Variants in NUDT1 observed in about 807,000 individuals in gnomAD.
NUDT1 encodes oxidized purine nucleoside triphosphate hydrolase.
In NUDT1, 16 loss-of-function variants were observed where a neutral mutation model predicts 11.3. The observed-to-expected ratio is 1.41, with a 90% confidence interval of 0.96 to 2.15. The LOEUF (loss-of-function observed/expected upper bound fraction) is 2.15, where lower values mean the gene tolerates loss of function less well. Ranked by LOEUF, NUDT1 falls within the 30% of genes most tolerant of loss-of-function variation. NUDT1 has a pLI of 0.00. For synonymous variants in NUDT1, 101 were observed against 84.4 expected, an observed-to-expected ratio of 1.20 and a Z score of -1.08; for missense variants, 234 against 208.4, an observed-to-expected ratio of 1.12 and a Z score of -0.76.
At chr7:2,249,588 C>T (rs1056788780) in intron 2 of NUDT1, 38 of 516,312 alleles carry the variant, frequency 7.4e-5, no homozygotes, top group Non-Finnish European at 1.2e-4. Context: ...GCTAGAACTG[C>T]GTTCCTCCCA....
intron 2 of NUDT1, among the ~76,000 whole-genome samples, chr7:2,245,748 G>A (rs2115056286): frequency 6.6e-6 from 1 of 152,068 alleles, no homozygotes; most frequent in Admixed American, 6.6e-5. Context: ...TTGTAGAGAT[G>A]GTGTCTCATT....
chr7:2,244,513 C>T (rs763457129), intron 1 of NUDT1, 50 bp from the exon 2 acceptor site: 5 of 1,478,932 alleles, frequency 3.4e-6, no homozygotes, highest in South Asian at 2.9e-5. Context: ...CTGGCACGTG[C>T]TTCCTCCACG....
intron 2 of NUDT1, among the ~76,000 whole-genome samples, chr7:2,246,814 A>G (rs1794784359): frequency 6.6e-6 from 1 of 151,998 alleles, no homozygotes; most frequent in South Asian, 2.1e-4. Flanking sequence ...CGGGGGTTTC[A>G]CCATGTTGGC....
chr7:2,250,008 T>TCTCACAGGGCCTGCTCCCCCTCCC lies in NUDT1; in HGVS notation c.298+8_298+31dup, dbSNP rs1794922309. The stretch of plus-strand genomic sequence containing the variant: ...GACCCCCGTGGAGAGCGACGGTGAG[T>TCTCACAGGGCCTGCTCCCCCTCCC]CTCACAGGGCCTGCTCCCCCTCCCC... On this transcript the variant is annotated splice_region_variant and intron_variant, in intron 3 of 3. Coordinates refer to ENST00000356714, the MANE Select transcript of NUDT1 (RefSeq NM_002452.4). 6.2e-7 allele frequency: 1 copy of TCTCACAGGGCCTGCTCCCCCTCCC among 1,613,418 alleles called. No homozygotes were observed. Among genetic ancestry groups the TCTCACAGGGCCTGCTCCCCCTCCC allele is most frequent in the African/African-American group, 1.3e-5 (1 of 74,826 alleles).
intron 2 of NUDT1, among the ~76,000 whole-genome samples, chr7:2,247,670 C>G (rs545128531): frequency 6.6e-6 from 1 of 152,244 alleles, no homozygotes; most frequent in Non-Finnish European, 1.5e-5. Flanking sequence ...ATGGACAGAG[C>G]AGACACTTGG....
At chr7:2,250,056 G>A (rs1794925087) in intron 3 of NUDT1, 54 bp downstream of exon 3, 1 of 1,602,558 alleles carries the variant, frequency 6.2e-7, no homozygotes, top group Non-Finnish European at 8.5e-7. Context: ...CCATCTCCTG[G>A]CTGGGAGAAA....
intron 2 of NUDT1, among the ~76,000 whole-genome samples, chr7:2,246,969 G>A (rs1252113594): frequency 1.3e-5 from 2 of 152,180 alleles, no homozygotes; most frequent in Admixed American, 6.5e-5. Context: ...GGGAGCATCT[G>A]CAAGCATGAG....
At chr7:2,249,075 G>A (rs1321552230) in intron 2 of NUDT1, among the ~76,000 whole-genome samples, 1 of 152,214 alleles carries the variant, frequency 6.6e-6, no homozygotes, top group African/African-American at 2.4e-5. Context: ...CTGGCTCTGT[G>A]TGCCACGAAG....
chr7:2,243,115 C>T, intron 1 of NUDT1: 3 of 669,412 alleles, frequency 4.5e-6, no homozygotes, highest in South Asian at 1.6e-5. Flanking sequence ...CTGCCAAACT[C>T]ATGGTTCCAT....
At chr7:2,245,457 C>T (rs1024916140) in intron 2 of NUDT1, among the ~76,000 whole-genome samples, 12 of 152,218 alleles carry the variant, frequency 7.9e-5, no homozygotes, top group African/African-American at 2.7e-4. Flanking sequence ...TCATCACAAC[C>T]TGCAGTAAGA....
chr7:2,245,096 A>C (rs1794719840), intron 2 of NUDT1, among the ~76,000 whole-genome samples: 1 of 152,148 alleles, frequency 6.6e-6, no homozygotes, highest in Admixed American at 6.5e-5. Flanking sequence ...CTCGTCAGTC[A>C]CTTGGTTCCT....
intron 2 of NUDT1, among the ~76,000 whole-genome samples, chr7:2,246,664 T>A (rs1794777809): frequency 6.6e-6 from 1 of 152,156 alleles, no homozygotes; most frequent in Non-Finnish European, 1.5e-5. Context: ...CTGTAAATAT[T>A]ACACAAACAG....
At chr7:2,250,350 G>A (rs1387631938) in intron 3 of NUDT1, among the ~76,000 whole-genome samples, 1 of 152,226 alleles carries the variant, frequency 6.6e-6, no homozygotes. Context: ...TCCCAGCACT[G>A]TGGACTGTGG....
intron 1 of NUDT1, among the ~76,000 whole-genome samples, chr7:2,243,413 C>T (rs1794635660): frequency 6.6e-6 from 1 of 152,220 alleles, no homozygotes. Context: ...TTTTCTCAGA[C>T]ACCACAACTT....
chr7:2,246,922 CCT>C (rs1192928444), intron 2 of NUDT1, among the ~76,000 whole-genome samples: 6 of 152,128 alleles, frequency 3.9e-5, no homozygotes, highest in Admixed American at 3.3e-4. Flanking sequence ...CAGCCGAGAC[CCT>C]GTCTTAAAGA....
chr7:2,250,747 C>T (rs1204160354), intron 3 of NUDT1, 82 bp from the exon 4 acceptor site: 125 of 1,518,608 alleles, frequency 8.2e-5, no homozygotes, highest in East Asian at 4.6e-4. Context: ...CGTGAGCCAC[C>T]GCGCCCGGCC....
At chr7:2,245,844 T>G (rs1794747293) in intron 2 of NUDT1, among the ~76,000 whole-genome samples, 1 of 151,914 alleles carries the variant, frequency 6.6e-6, no homozygotes, top group African/African-American at 2.4e-5. Context: ...ACCCTTTTTT[T>G]TTTTTCAATT....
At chr7:2,245,560 G>A (rs1341324388) in intron 2 of NUDT1, among the ~76,000 whole-genome samples, 1 of 152,128 alleles carries the variant, frequency 6.6e-6, no homozygotes, top group East Asian at 1.9e-4. Flanking sequence ...CATAAAAGGG[G>A]GCTCTACTTT....
intron 1 of NUDT1, among the ~76,000 whole-genome samples, chr7:2,243,425 C>T (rs1443411246): frequency 6.6e-6 from 1 of 152,198 alleles, no homozygotes; most frequent in African/African-American, 2.4e-5. Context: ...CCACAACTTC[C>T]AAGAAGGATC....
Sources: gnomAD v4.1 joint callset for allele counts (sites outside exome capture counted in the v4.1 genomes callset) on GRCh38, gnomAD v4.1.1 for gene constraint, MANE v1.5 for transcripts, NCBI Gene and HGNC (gene_info 2026-07-23, HGNC 2026-07-21) for gene names.